RAB11FIP5: variants seen among roughly 807,000 people sequenced by gnomAD.
RAB11FIP5 encodes rab11 family-interacting protein 5.
In RAB11FIP5, 48 loss-of-function variants were observed where a neutral mutation model predicts 85.1. The observed-to-expected ratio is 0.56, with a 90% confidence interval of 0.45 to 0.72. The LOEUF (loss-of-function observed/expected upper bound fraction) is 0.72, where lower values mean the gene tolerates loss of function less well. RAB11FIP5 is among the 30% of genes least tolerant of loss of function. The pLI, the probability that RAB11FIP5 is intolerant of heterozygous loss-of-function variation, is 0.00. For missense variants in RAB11FIP5, 1,491 were observed against 1,687.0 expected, an observed-to-expected ratio of 0.88 and a Z score of 2.04; for synonymous variants, 729 against 727.3, an observed-to-expected ratio of 1.00 and a Z score of -0.04.
chr2:73,098,161 C>T (rs1684359496), intron 1 of RAB11FIP5, among the ~76,000 whole-genome samples: 1 of 152,188 alleles, frequency 6.6e-6, no homozygotes, highest in Non-Finnish European at 1.5e-5. Context: ...CCTGTTTCCT[C>T]ACCTATCTAT....
At chr2:73,093,096 C>T (rs984950552) in intron 1 of RAB11FIP5, among the ~76,000 whole-genome samples, 3 of 152,190 alleles carry the variant, frequency 2.0e-5, no homozygotes, top group Admixed American at 1.3e-4. Context: ...TGAACACTGT[C>T]GAGGGGGGCT....
At chr2:73,085,288 C>T (rs1684069976) in intron 3 of RAB11FIP5, among the ~76,000 whole-genome samples, 1 of 152,194 alleles carries the variant, frequency 6.6e-6, no homozygotes, top group South Asian at 2.1e-4. Flanking sequence ...CATCATGATA[C>T]ACTCATCTCT....
Position 73,081,290 on chromosome 2 carries a change from A to C in RAB11FIP5, c.1942T>G (p.Trp648Gly). ...GCAAAGACGTTGAAGGTGTTGTCCC[A>C]CTCAGGCAGGGCTTTCCCAGGGGAG... The part of the protein sequence containing the change: ...LASPGKALPE[W>G]DNTFNVFAAS... Residue 648 changes from tryptophan to glycine, a missense_variant, in exon 4 of 6, where the codon TGG becomes GGG. By Grantham distance (184) the Trp-to-Gly change is radical. Transcript: ENST00000486777. The surrounding 1 kb of genome is among the most constrained non-coding windows in gnomAD (Gnocchi z 4.2). The C allele has an allele frequency of 8.1e-7, 1 of 1,232,626 alleles. No individual in the cohort carries two copies. Among genetic ancestry groups the C allele is most frequent in the Non-Finnish European group, 1.0e-6 (1 of 988,418 alleles). 76.4% of individuals were successfully genotyped at this position (1,232,626 alleles called of 1,614,324 possible). A position where few individuals can be genotyped will look rare whatever the true frequency, so the allele number is the denominator to read the frequency against.
Position 73,075,156 on chromosome 2 carries a change from A to C in RAB11FIP5, c.*365T>G. The C allele has an allele frequency of 2.0e-6, 1 of 499,670 alleles. No individual in the cohort carries two copies. Among genetic ancestry groups the C allele is most frequent in the Non-Finnish European group, 3.9e-6 (1 of 258,938 alleles). The allele number at this position is 499,670 out of a possible 1,614,324, so 31.0% of individuals were successfully genotyped here. On this transcript the variant is annotated 3_prime_UTR_variant, in exon 6 of 6. Transcript: ENST00000486777. The surrounding 1 kb of genome is among the most constrained non-coding windows in gnomAD (Gnocchi z 4.6). Reference sequence around the variant, plus strand: ...AAATGGCTGACCATCCTTGGGGGATAATAAAGTATGTGCTAGCAACCAGTC... The same window carrying C: ...AAATGGCTGACCATCCTTGGGGGATCATAAAGTATGTGCTAGCAACCAGTC...
In RAB11FIP5 at chr2:73,112,649, G is replaced by A. The variant is rs778395956; in HGVS notation, c.129C>T (p.Asp43=). ...GGCCCACCTGGATCACCGTGTACGC[G>A]TCGCTGGTGCTGCCCGCTCCCGAGC... The part of the protein sequence containing the change: ...GKSSGAGSTS[D]AYTVIQVGRE... Residue 43 remains aspartate (D), a synonymous_variant, in exon 1 of 6, where the codon GAC becomes GAT. Transcript: ENST00000486777. 2.5e-6 allele frequency: 4 copies of A among 1,599,390 alleles called. No homozygotes were observed. The highest frequency in any genetic ancestry group is 1.7e-5 in the Admixed American group (1 of 58,864).
intron 1 of RAB11FIP5, among the ~76,000 whole-genome samples, chr2:73,093,942 G>A (rs572251358): frequency 5.3e-5 from 8 of 152,188 alleles, no homozygotes; most frequent in East Asian, 1.9e-4. Flanking sequence ...CCAACATGGC[G>A]AAACCCCGTG....
rs751422646 is a variant in RAB11FIP5 at position 73,112,358 on chromosome 2, G to T, written c.420C>A (p.Ala140=). 6.3e-7 allele frequency: 1 copy of T among 1,586,798 alleles called. No individual in the cohort carries two copies. The highest frequency in any genetic ancestry group is 8.5e-7 in the Non-Finnish European group (1 of 1,172,718). ...CGCCCCCTACTCACTGCGTGTGCTG[G>T]GCGCGGCCTGCGCCGAAGACCTCGT... ...ALDEVFGAGR[A]QHTQWYKLHS... Residue 140 remains alanine, a synonymous_variant, in exon 1 of 6, where the codon GCC becomes GCA. Coordinates refer to ENST00000486777, the MANE Select transcript of RAB11FIP5 (RefSeq NM_001371272.1).
intron 4 of RAB11FIP5, among the ~76,000 whole-genome samples, 182 bp from the exon 5 acceptor site, chr2:73,076,364 G>A (rs1204353315): frequency 6.6e-6 from 1 of 151,974 alleles, no homozygotes; most frequent in African/African-American, 2.4e-5. Flanking sequence ...GCAACCCCCT[G>A]GGCTGGCCTC....
Position 73,096,119 on chromosome 2 carries a change from G to A in RAB11FIP5, c.432-6804C>T, listed in dbSNP as rs527954816. ...CAGGCCCCGTGTGGACTTGGGTCTC[G>A]GCCCTCAGCCTCCCCCCACCCACCA... On this transcript the variant is annotated intron_variant, in intron 1 of 5. Coordinates refer to ENST00000486777, the MANE Select transcript of RAB11FIP5 (RefSeq NM_001371272.1). Among the ~76,000 whole-genome samples, 19 of 152,264 alleles carry A rather than the reference G, an allele frequency of 1.2e-4. No individual in the cohort carries two copies. In the East Asian group the frequency reaches 1.7e-3, roughly 14 times the overall value.
rs544574960 is a variant in RAB11FIP5, at chr2:73,084,667, A to G, written c.1569-3004T>C. Among the ~76,000 whole-genome samples the G allele has an allele frequency of 4.6e-5, 7 of 152,274 alleles. No homozygotes were observed. The South Asian group carries it at 6.2e-4, about 14-fold the overall frequency. ...AGCCCCTCTTCTTAAACACTACACC[A>G]CAGGGCTACCTCTGTAGCTGAAGGC... On this transcript the variant is annotated intron_variant, in intron 3 of 5. Transcript: ENST00000486777.
rs753924018 is a variant in RAB11FIP5 at position 73,088,697 on chromosome 2, G to A, written c.921C>T (p.Ser307=). 5.0e-6 allele frequency: 8 copies of A among 1,612,262 alleles called. No homozygotes were observed. Among genetic ancestry groups the A allele is most frequent in the South Asian group, 2.2e-5 (2 of 90,940 alleles). The change falls in exon 3 of 6, where the codon AGC becomes AGT. Residue 307 remains serine (S), a synonymous_variant. Transcript: ENST00000486777. The part of the protein sequence containing the change: ...PKLFTHKRTY[S]DEANQMRVAP... ...CCACTCGCATCTGGTTGGCCTCATC[G>A]CTGTAGGTCCTCTTATGGGTGAACA...
In RAB11FIP5 at chr2:73,075,670, G is replaced by A. The variant is rs769496469; in HGVS notation, c.3826C>T (p.Leu1276Phe). The change falls in exon 6 of 6, where the codon CTC becomes TTC. Residue 1276 changes from leucine to phenylalanine, a missense_variant. By Grantham distance (22) the Leu-to-Phe change is conservative. Around this residue, in one of 3 missense-constraint regions of RAB11FIP5, gnomAD observed 232 missense variants for 259.1 expected, o/e 0.90. Coordinates refer to ENST00000486777, the MANE Select transcript of RAB11FIP5 (RefSeq NM_001371272.1). The surrounding 1 kb of genome is among the most constrained non-coding windows in gnomAD (Gnocchi z 4.6). ...TCCCGCTGCAGGAGCAGGCTGATGA[G>A]CTCATCGTGGGTCAGGTGGTAGTAC... ...AKYYHLTHDE[L>F]ISLLLQRERE... is the part of the protein sequence containing the mutation. The A allele has an allele frequency of 6.2e-7, 1 of 1,613,546 alleles. No homozygotes were observed. Among genetic ancestry groups the A allele is most frequent in the Non-Finnish European group, 8.5e-7 (1 of 1,179,778 alleles).
In RAB11FIP5 at chr2:73,089,270, G is replaced by A. The variant is rs551170073; in HGVS notation, c.477C>T (p.Arg159=). Residue 159 remains arginine (R), a synonymous_variant, in exon 2 of 6, where the codon CGC becomes CGT. Transcript: ENST00000486777. The surrounding 1 kb of genome is among the most constrained non-coding windows in gnomAD (Gnocchi z 4.6). ...HSKPGKKEKE[R]GEIEVTIQFT... ...ACTGGATGGTGACTTCAATCTCGCC[G>A]CGTTCCTTCTCCTTCTTGCCTGGCT... 28 of 1,613,976 alleles carry A rather than the reference G, an allele frequency of 1.7e-5. No individual in the cohort carries two copies. The East Asian group carries it at 2.7e-4, about 15-fold the overall frequency.
At chr2:73,088,841 GC>G (rs1175292485) in intron 2 of RAB11FIP5, 37 bp downstream of exon 2, 3 of 1,537,220 alleles carry the variant, frequency 2.0e-6, no homozygotes, top group Admixed American at 2.0e-5. Flanking sequence ...GAGAGCCAGT[GC>G]CCCCCTCCCC....
chr2:73,086,004 T>G lies in RAB11FIP5; in HGVS notation c.1568+2046A>C, dbSNP rs895836394. 6.6e-6 allele frequency among the ~76,000 whole-genome samples: 1 copy of G among 152,130 alleles called. No individual in the cohort carries two copies. Among genetic ancestry groups the G allele is most frequent in the East Asian group, 1.9e-4 (1 of 5,152 alleles). On this transcript the variant is annotated intron_variant, in intron 3 of 5. Coordinates refer to ENST00000486777, the MANE Select transcript of RAB11FIP5 (RefSeq NM_001371272.1). The surrounding 1 kb of genome is among the most constrained non-coding windows in gnomAD (Gnocchi z 4.4). ...TGCCATGAGGCAGCCCACCTCTCCT[T>G]CTCTCCTCAGAGGCCCTAAGCAAGC...
intron 1 of RAB11FIP5, among the ~76,000 whole-genome samples, chr2:73,111,607 G>A (rs1684656571): frequency 6.6e-6 from 1 of 152,228 alleles, no homozygotes; most frequent in Non-Finnish European, 1.5e-5. Flanking sequence ...GGAAGTGACC[G>A]GGAGATAATC....
chr2:73,101,579 A>T (rs1354683454), intron 1 of RAB11FIP5, among the ~76,000 whole-genome samples: 1 of 152,122 alleles, frequency 6.6e-6, no homozygotes, highest in Non-Finnish European at 1.5e-5. Flanking sequence ...CCCACCTGGG[A>T]CTGATGGTGG....
At position 73,086,069 on chromosome 2, in the gene RAB11FIP5, C is replaced by A. The variant is rs556865064; in HGVS notation, c.1568+1981G>T. Reference sequence around the variant, plus strand: ...CCAACAGTCCTTTCTTCCAGGCCAGCCTTCCCCTCCCTGCAAGGCACACAA... The same window carrying A: ...CCAACAGTCCTTTCTTCCAGGCCAGACTTCCCCTCCCTGCAAGGCACACAA... On this transcript the variant is annotated intron_variant, in intron 3 of 5. Transcript: ENST00000486777. The surrounding 1 kb of genome is among the most constrained non-coding windows in gnomAD (Gnocchi z 4.4). Among the ~76,000 whole-genome samples the A allele has an allele frequency of 1.3e-5, 2 of 152,134 alleles. No individual in the cohort carries two copies. The highest frequency in any genetic ancestry group is 4.8e-5 in the African/African-American group (2 of 41,426).
At chr2:73,079,065 T>C (rs1189450206) in intron 4 of RAB11FIP5, among the ~76,000 whole-genome samples, 1 of 152,208 alleles carries the variant, frequency 6.6e-6, no homozygotes, top group Admixed American at 6.5e-5. Context: ...GAGTTACATA[T>C]GTGGGAAGTG....
Sources: allele counts gnomAD v4.1 joint callset (sites outside exome capture counted in the v4.1 genomes callset), GRCh38; gene constraint gnomAD v4.1.1; regional missense constraint gnomAD v4.1.1; non-coding constraint Gnocchi (gnomAD v3.1); transcripts MANE v1.5; gene names NCBI Gene and HGNC (gene_info 2026-07-23, HGNC 2026-07-21).